Variants in PTPRK observed in about 807,000 individuals in gnomAD.
The protein encoded by PTPRK is receptor-type tyrosine-protein phosphatase kappa.
Under a neutral mutation model 178.0 loss-of-function variants are expected in PTPRK, and 75 were observed. The observed-to-expected ratio is 0.42, with a 90% CI of 0.35 to 0.51. PTPRK has a LOEUF of 0.51. PTPRK is among the 20% of genes least tolerant of loss of function. PTPRK has a pLI of 0.02. For missense variants in PTPRK, 1,441 were observed against 1,797.8 expected (o/e 0.80, Z 3.59); for synonymous variants, 637 against 620.6 (o/e 1.03, Z -0.39).
Position 128,435,029 on chromosome 6 carries a change from ACAGGAAGG to A in PTPRK, c.101-37349_101-37342del, listed in dbSNP as rs1158217908. On this transcript the variant is annotated intron_variant, in intron 1 of 29. Coordinates refer to ENST00000368226, the MANE Select transcript of PTPRK (RefSeq NM_002844.4). ...GAAAGGAAGGCAAGAAGGAAGTAAG[ACAGGAAGG>A]CAGGAAGGCAGGAAGGAAGGAAGGA... Among the ~76,000 whole-genome samples, 333 of 111,026 alleles carry A rather than the reference ACAGGAAGG, an allele frequency of 3.0e-3. 5 individuals carry two copies. Among genetic ancestry groups the A allele is most frequent in the Middle Eastern group, 5.2e-3 (1 of 192 alleles). 72.8% of individuals were successfully genotyped at this position (111,026 alleles called of 152,430 possible). A position where few individuals can be genotyped will look rare whatever the true frequency, so the allele number is the denominator to read the frequency against.
intron 2 of PTPRK, among the ~76,000 whole-genome samples, chr6:128,359,295 C>T (rs192188234): frequency 4.1e-5 from 6 of 144,646 alleles, no homozygotes; most frequent in Admixed American, 1.4e-4. Flanking sequence ...GGATTACAGG[C>T]GTGAGCCACC....
chr6:128,125,602 C>CTA (rs1793219920), intron 7 of PTPRK, among the ~76,000 whole-genome samples: 1 of 68,334 alleles, frequency 1.5e-5, no homozygotes, highest in Non-Finnish European at 3.0e-5. Flanking sequence ...TTGGGCTTTT[C>CTA]TTTTTTTTTT....
chr6:128,333,302 A>AGAAT (rs1830504966), intron 2 of PTPRK, among the ~76,000 whole-genome samples: 1 of 152,212 alleles, frequency 6.6e-6, no homozygotes, highest in Non-Finnish European at 1.5e-5. Context: ...AGGTCTAAAG[A>AGAAT]GAATGAGTGC....
intron 5 of PTPRK, chr6:128,232,169 A>G (rs1245096821): frequency 1.3e-5 from 2 of 152,190 alleles, no homozygotes; most frequent in Admixed American, 6.5e-5. Flanking sequence ...ACACATACAC[A>G]CGACGTGCTT....
intron 1 of PTPRK, among the ~76,000 whole-genome samples, chr6:128,495,264 T>C (rs1450192924): frequency 2.0e-5 from 3 of 152,214 alleles, no homozygotes; most frequent in Non-Finnish European, 4.4e-5. Flanking sequence ...TGTTTAGAAC[T>C]GAATTTTAAA....
At chr6:128,248,042 A>G (rs1398314141) in intron 3 of PTPRK, among the ~76,000 whole-genome samples, 2 of 152,214 alleles carry the variant, frequency 1.3e-5, no homozygotes, top group African/African-American at 4.8e-5. Context: ...CTATTTCTAA[A>G]TATTTATGCC....
rs555953728 is a variant in PTPRK at position 128,372,152 on chromosome 6, C to CTTTTCCAA, written c.223+25413_223+25414insTTGGAAAA. ...TCCCCTAGCTCTAGCCCCAACTTCT[C>CTTTTCCAA]GTTCTGTTTCCAAGTTCTGACTATA... On this transcript the variant is annotated intron_variant, in intron 2 of 29. Coordinates refer to ENST00000368226, the MANE Select transcript of PTPRK (RefSeq NM_002844.4). Among the ~76,000 whole-genome samples the CTTTTCCAA allele has an allele frequency of 1.7e-3, 253 of 152,288 alleles. 1 individual carries two copies. The highest frequency in any genetic ancestry group is 5.8e-3 in the African/African-American group (240 of 41,570).
chr6:128,101,528 C>A lies in PTPRK; in HGVS notation c.1163-11536G>T, dbSNP rs1788780309. On this transcript the variant is annotated intron_variant, in intron 7 of 29. Coordinates refer to ENST00000368226, the MANE Select transcript of PTPRK (RefSeq NM_002844.4). The stretch of plus-strand genomic sequence containing the variant: ...TCTTTTTCTTTCATTCAGGTCCTAA[C>A]TTTCTCTCACCTGAACTATTAGGAA... 2.6e-5 allele frequency among the ~76,000 whole-genome samples: 4 copies of A among 152,082 alleles called. No individual in the cohort carries two copies. The South Asian group carries it at 8.3e-4, about 31-fold the overall frequency.
intron 8 of PTPRK, among the ~76,000 whole-genome samples, chr6:128,087,565 T>C (rs1005346045): frequency 6.6e-6 from 1 of 152,108 alleles, no homozygotes; most frequent in East Asian, 1.9e-4. Context: ...TGTGTGTGTG[T>C]GGCAGGGGTA....
In PTPRK at chr6:128,368,006, C is replaced by A. The variant is rs528093395; in HGVS notation, c.223+29560G>T. On this transcript the variant is annotated intron_variant, in intron 2 of 29. Coordinates refer to ENST00000368226, the MANE Select transcript of PTPRK (RefSeq NM_002844.4). Reference sequence around the variant, plus strand: ...TTGACTCTCTAATGTGCATACATAACCTTCCCATGTTCACAATAAAAAATA... The same window carrying A: ...TTGACTCTCTAATGTGCATACATAAACTTCCCATGTTCACAATAAAAAATA... 5.9e-5 allele frequency among the ~76,000 whole-genome samples: 9 copies of A among 152,210 alleles called. No individual in the cohort carries two copies. In the East Asian group the frequency reaches 1.5e-3, roughly 26 times the overall value.
At chr6:128,265,413 C>T (rs1818798734) in intron 3 of PTPRK, among the ~76,000 whole-genome samples, 1 of 152,082 alleles carries the variant, frequency 6.6e-6, no homozygotes, top group African/African-American at 2.4e-5. Flanking sequence ...ATAGATAATA[C>T]TGATCATGTA....
At chr6:128,086,416 T>C (rs1785836457) in intron 8 of PTPRK, among the ~76,000 whole-genome samples, 3 of 152,138 alleles carry the variant, frequency 2.0e-5, no homozygotes, top group Admixed American at 6.6e-5. Context: ...GAAAATTCTG[T>C]TCGTCCATTA....
chr6:128,365,860 T>C (rs903408044), intron 2 of PTPRK, among the ~76,000 whole-genome samples: 1 of 152,112 alleles, frequency 6.6e-6, no homozygotes. Context: ...GCTAAGGTAT[T>C]CTTGACTATT....
chr6:128,055,992 T>TTC (rs1209275194), intron 13 of PTPRK, among the ~76,000 whole-genome samples: 1 of 142,960 alleles, frequency 7.0e-6, no homozygotes, highest in African/African-American at 2.6e-5. Context: ...TTTCTTTTCT[T>TTC]TTTTTTTTTT....
intron 3 of PTPRK, among the ~76,000 whole-genome samples, chr6:128,300,061 A>T (rs1825297709): frequency 1.3e-5 from 2 of 152,244 alleles, no homozygotes; most frequent in South Asian, 4.1e-4. Flanking sequence ...AAGTGGGCAA[A>T]GGACATGAAC....
At chr6:128,289,159 G>C (rs566262525) in intron 3 of PTPRK, among the ~76,000 whole-genome samples, 1 of 152,152 alleles carries the variant, frequency 6.6e-6, no homozygotes, top group South Asian at 2.1e-4. Context: ...CTGAGTGGTA[G>C]GGCCCTTGGA....
At chr6:128,365,237 G>A (rs1422168872) in intron 2 of PTPRK, among the ~76,000 whole-genome samples, 1 of 152,000 alleles carries the variant, frequency 6.6e-6, no homozygotes, top group African/African-American at 2.4e-5. Flanking sequence ...TCAGGCTTTT[G>A]TTAGGGGTAC....
chr6:128,256,171 A>G (rs1242015260), intron 3 of PTPRK, among the ~76,000 whole-genome samples: 1 of 152,220 alleles, frequency 6.6e-6, no homozygotes, highest in Non-Finnish European at 1.5e-5. Flanking sequence ...AAATAACTAT[A>G]GCACAGTTAT....
intron 3 of PTPRK, among the ~76,000 whole-genome samples, chr6:128,304,172 T>C (rs1411570837): frequency 6.6e-6 from 1 of 152,240 alleles, no homozygotes; most frequent in East Asian, 1.9e-4. Flanking sequence ...TCTTTCCACA[T>C]AGTCTTGCCA....
Sources: allele counts gnomAD v4.1 joint callset (sites outside exome capture counted in the v4.1 genomes callset), GRCh38; gene constraint gnomAD v4.1.1; transcripts MANE v1.5; gene names NCBI Gene and HGNC (gene_info 2026-07-23, HGNC 2026-07-21).